The following CACNA2D1 variants were observed in gnomAD, a reference collection of about 807,000 sequenced individuals.
CACNA2D1 encodes voltage-dependent calcium channel subunit alpha-2/delta-1.
A neutral mutation model predicts 171.5 loss-of-function variants in CACNA2D1; 53 were observed. The ratio of observed to expected loss-of-function variants is 0.31; its 90% CI spans 0.25 to 0.39. The LOEUF (loss-of-function observed/expected upper bound fraction) is 0.39, where lower values mean the gene tolerates loss of function less well. CACNA2D1 is among the 10% of genes least tolerant of loss of function. CACNA2D1 has a pLI of 1.00. For missense variants in CACNA2D1, 903 were observed against 1,299.8 expected (o/e 0.69, Z 4.69); for synonymous variants, 442 against 443.1 (o/e 1.00, Z 0.03).
intron 1 of CACNA2D1, among the ~76,000 whole-genome samples, chr7:82,404,298 G>A (rs960084675): frequency 3.3e-5 from 5 of 152,152 alleles, no homozygotes; most frequent in African/African-American, 4.8e-5. Flanking sequence ...AAGAGGGCAC[G>A]GCAGGAACAT....
intron 10 of CACNA2D1, among the ~76,000 whole-genome samples, chr7:82,049,139 A>AAAG (rs1554373407): frequency 6.6e-6 from 1 of 151,110 alleles, no homozygotes; most frequent in Non-Finnish European, 1.5e-5. Flanking sequence ...AAAAAAAAAA[A>AAAG]AAAGAAAAAT....
chr7:82,310,854 C>T (rs925712344), intron 3 of CACNA2D1, among the ~76,000 whole-genome samples: 2 of 151,998 alleles, frequency 1.3e-5, no homozygotes, highest in Admixed American at 6.6e-5. Context: ...GTGTTTTAAA[C>T]CTCTGACATG....
At chr7:82,026,567 T>C (rs1213842217) in intron 12 of CACNA2D1, among the ~76,000 whole-genome samples, 1 of 151,754 alleles carries the variant, frequency 6.6e-6, no homozygotes, top group African/African-American at 2.4e-5. Flanking sequence ...GATAAACGTA[T>C]TATGTAACAT....
chr7:82,081,993 C>T (rs769749730), intron 7 of CACNA2D1, among the ~76,000 whole-genome samples: 17 of 152,194 alleles, frequency 1.1e-4, no homozygotes, highest in Admixed American at 3.9e-4. Context: ...ACCTCAAATG[C>T]GGAAACGTGG....
At chr7:82,263,156 TG>T in intron 3 of CACNA2D1, among the ~76,000 whole-genome samples, 1 of 144,026 alleles carries the variant, frequency 6.9e-6, no homozygotes, top group Non-Finnish European at 1.5e-5. Context: ...CCAGGCTGGA[TG>T]GGGTACAGTG....
intron 5 of CACNA2D1, among the ~76,000 whole-genome samples, chr7:82,120,768 G>A (rs1052230041): frequency 7.3e-5 from 11 of 151,524 alleles, no homozygotes; most frequent in Non-Finnish European, 1.5e-4. Flanking sequence ...CCAGCTACTC[G>A]GGAGGCTGAG....
chr7:82,373,266 T>C (rs950242284), intron 1 of CACNA2D1, among the ~76,000 whole-genome samples: 1 of 152,210 alleles, frequency 6.6e-6, no homozygotes, highest in East Asian at 1.9e-4. Flanking sequence ...TCATTTAGTG[T>C]TGGAAAGAAT....
chr7:82,177,989 C>T (rs893928635), intron 3 of CACNA2D1, among the ~76,000 whole-genome samples: 1 of 152,106 alleles, frequency 6.6e-6, no homozygotes. Context: ...CTATCATTTT[C>T]TTACAACTGA....
intron 1 of CACNA2D1, among the ~76,000 whole-genome samples, chr7:82,388,976 C>T (rs1185507908): frequency 6.6e-6 from 1 of 151,680 alleles, no homozygotes; most frequent in Non-Finnish European, 1.5e-5. Context: ...ATTAGCTGGG[C>T]ATGGTGGCAC....
chr7:82,176,887 T>G (rs1796591206), intron 3 of CACNA2D1, among the ~76,000 whole-genome samples: 1 of 152,038 alleles, frequency 6.6e-6, no homozygotes, highest in African/African-American at 2.4e-5. Context: ...GTTTTACAGA[T>G]GCTTTCTCAA....
chr7:82,044,074 AG>A (rs887081337), intron 10 of CACNA2D1, among the ~76,000 whole-genome samples: 1 of 152,144 alleles, frequency 6.6e-6, no homozygotes, highest in Admixed American at 6.6e-5. Context: ...AAAATGAGAA[AG>A]GGTCTTACTA....
intron 3 of CACNA2D1, among the ~76,000 whole-genome samples, chr7:82,322,773 A>G (rs1282419174): frequency 2.2e-4 from 34 of 152,234 alleles, no homozygotes; most frequent in Admixed American, 2.2e-3. Context: ...TTTTGACTTT[A>G]GAAGCTTTAA....
intron 3 of CACNA2D1, among the ~76,000 whole-genome samples, chr7:82,334,207 T>A (rs1366171157): frequency 1.3e-5 from 2 of 152,160 alleles, no homozygotes; most frequent in Non-Finnish European, 2.9e-5. Context: ...AGAATATGTA[T>A]CAATGTGGGC....
At position 82,370,346 on chromosome 7, in the gene CACNA2D1, A is replaced by G. The variant is rs183841550; in HGVS notation, c.96-20697T>C. ...TTAAGTATGAAATTTTGGAAAATCAATATAAGAACTGTAAAGAAATAAGTG... is the reference window on the plus strand; with the variant it reads ...TTAAGTATGAAATTTTGGAAAATCAGTATAAGAACTGTAAAGAAATAAGTG... On this transcript the variant is annotated intron_variant, in intron 1 of 38. Coordinates refer to ENST00000356860, the MANE Select transcript of CACNA2D1 (RefSeq NM_000722.4). Among the ~76,000 whole-genome samples the G allele has an allele frequency of 4.6e-5, 7 of 152,122 alleles. No individual in the cohort carries two copies. In the East Asian group the frequency reaches 9.6e-4, roughly 21 times the overall value.
intron 19 of CACNA2D1, 40 bp downstream of exon 19, chr7:81,997,139 C>G (rs753579149): frequency 2.6e-6 from 3 of 1,150,488 alleles, no homozygotes; most frequent in Admixed American, 1.7e-5. Context: ...ATACCAGCAT[C>G]TGACCTGAGG....
At chr7:82,436,348 C>T (rs924346198) in intron 1 of CACNA2D1, among the ~76,000 whole-genome samples, 20 of 152,102 alleles carry the variant, frequency 1.3e-4, no homozygotes, top group Non-Finnish European at 2.9e-5. Flanking sequence ...AAAAAATTTT[C>T]TAACAGAATT....
chr7:82,026,300 CAA>C (rs1451010137), intron 12 of CACNA2D1, among the ~76,000 whole-genome samples: 1 of 151,422 alleles, frequency 6.6e-6, no homozygotes, highest in African/African-American at 2.4e-5. Context: ...ATTGATAAGA[CAA>C]AATTTATTAA....
At chr7:82,378,938 CGTGTGTGTGTGT>C (rs533854397) in intron 1 of CACNA2D1, among the ~76,000 whole-genome samples, 6,631 of 139,128 alleles carry the variant, frequency 0.048, 411 homozygotes, top group African/African-American at 0.14. Flanking sequence ...GGGGTTGACT[CGTGTGTGTGTGT>C]GTGTGTGTGT....
intron 3 of CACNA2D1, among the ~76,000 whole-genome samples, chr7:82,251,610 T>C (rs979405776): frequency 6.6e-6 from 1 of 152,232 alleles, no homozygotes; most frequent in Non-Finnish European, 1.5e-5. Flanking sequence ...TGTGAAAGGA[T>C]TAAGCTGTAA....
Sources: allele counts gnomAD v4.1 joint callset (sites outside exome capture counted in the v4.1 genomes callset), GRCh38; gene constraint gnomAD v4.1.1; transcripts MANE v1.5; gene names NCBI Gene and HGNC (gene_info 2026-07-23, HGNC 2026-07-21).